Variants in TMPRSS4 observed in about 807,000 individuals in gnomAD.
TMPRSS4 encodes transmembrane serine protease 4, also known as transmembrane protease serine 4.
Under a neutral mutation model 56.4 loss-of-function variants are expected in TMPRSS4, and 45 were observed. The ratio of observed to expected loss-of-function variants is 0.80; its 90% CI spans 0.63 to 1.02. The LOEUF (loss-of-function observed/expected upper bound fraction) is 1.02, where lower values mean the gene tolerates loss of function less well. Among genes scored for constraint, TMPRSS4 ranks in the 50% least tolerant of loss-of-function variants. TMPRSS4 has a pLI of 0.00. For missense variants in TMPRSS4, 546 were observed against 556.7 expected (o/e 0.98, Z 0.19); for synonymous variants, 205 against 211.0 (o/e 0.97, Z 0.25).
At chr11:118,107,913 C>T in intron 6 of TMPRSS4, 38 bp downstream of exon 6, 4 of 1,567,260 alleles carry the variant, frequency 2.6e-6, no homozygotes, top group Non-Finnish European at 2.6e-6. Flanking sequence ...CAGAAGGCCC[C>T]CACATGGACG....
intron 1 of TMPRSS4, among the ~76,000 whole-genome samples, chr11:118,091,778 T>G (rs1042704326): frequency 6.6e-6 from 1 of 152,216 alleles, no homozygotes; most frequent in East Asian, 1.9e-4. Flanking sequence ...CTTTGTAAAC[T>G]GTTACATGCC....
intron 6 of TMPRSS4, chr11:118,108,363 A>G (rs192517442): frequency 3.2e-4 from 53 of 167,774 alleles, no homozygotes; most frequent in Non-Finnish European, 5.6e-4. Context: ...ATCCAGATGA[A>G]ATCTGTCACA....
At chr11:118,092,820 G>A (rs1339831928) in intron 1 of TMPRSS4, among the ~76,000 whole-genome samples, 2 of 152,238 alleles carry the variant, frequency 1.3e-5, no homozygotes, top group Non-Finnish European at 2.9e-5. Flanking sequence ...CTCTTTCACT[G>A]TCTCAGTCAT....
chr11:118,085,466 C>G (rs1447438330), intron 1 of TMPRSS4, among the ~76,000 whole-genome samples: 1 of 152,082 alleles, frequency 6.6e-6, no homozygotes, highest in Non-Finnish European at 1.5e-5. Flanking sequence ...TGGAGTCAGT[C>G]CCAATCAGTT....
chr11:118,100,569 AC>A (rs550667246), intron 3 of TMPRSS4, among the ~76,000 whole-genome samples: 90 of 151,986 alleles, frequency 5.9e-4, no homozygotes, highest in African/African-American at 2.0e-3. Flanking sequence ...CACAACATAA[AC>A]CCCACTAAAA....
intron 2 of TMPRSS4, 145 bp downstream of exon 2, chr11:118,095,000 A>G: frequency 1.2e-6 from 1 of 831,396 alleles, no homozygotes; most frequent in Non-Finnish European, 2.0e-6. Context: ...CCGTCCATCC[A>G]TCACTCAGCA....
chr11:118,117,496 C>T (rs376666741), intron 12 of TMPRSS4, 42 bp downstream of exon 12: 394 of 1,583,362 alleles, frequency 2.5e-4, no homozygotes, highest in Non-Finnish European at 3.3e-4. Context: ...TCCCTCCAGT[C>T]CTCTACCTGG....
Position 118,118,663 on chromosome 11 carries a change from C to T in TMPRSS4, c.*750C>T. The T allele has an allele frequency of 1.0e-6, 1 of 985,796 alleles. No individual in the cohort carries two copies. The highest frequency in any genetic ancestry group is 4.7e-5 in the South Asian group (1 of 21,274). The allele number at this position is 985,796 out of a possible 1,614,324, so 61.1% of individuals were successfully genotyped here. A position where few individuals can be genotyped will look rare whatever the true frequency, so the allele number is the denominator to read the frequency against. Reference sequence around the variant, plus strand: ...CCAGGGTGAGCAAGTTTGAGTCCCACACAGGGCCTTCTCCCTTTGCCTCTT... The same window carrying T: ...CCAGGGTGAGCAAGTTTGAGTCCCATACAGGGCCTTCTCCCTTTGCCTCTT... On this transcript the variant is annotated 3_prime_UTR_variant, in exon 13 of 13. Transcript: ENST00000437212.
intron 2 of TMPRSS4, among the ~76,000 whole-genome samples, chr11:118,098,328 C>T (rs926136422): frequency 4.6e-5 from 7 of 152,204 alleles, no homozygotes; most frequent in Admixed American, 1.3e-4. Context: ...ATTTAAGTGC[C>T]ACCTGCTGAG....
In TMPRSS4 at chr11:118,102,056, G is replaced by C. The variant is rs114998829; in HGVS notation, c.158-1045G>C. Among the ~76,000 whole-genome samples the C allele has an allele frequency of 2.6e-3, 389 of 151,646 alleles. 5 individuals are homozygous for C. The highest frequency in any genetic ancestry group is 9.1e-3 in the African/African-American group (374 of 41,300). The stretch of plus-strand genomic sequence containing the variant: ...CGTGCAGGATGTGCAGGTTTGTTAC[G>C]TAGGTAAGCGTGTGCCATGGCGGTT... On this transcript the variant is annotated intron_variant, in intron 3 of 12. Coordinates refer to ENST00000437212, the MANE Select transcript of TMPRSS4 (RefSeq NM_019894.4).
At chr11:118,087,008 G>C (rs1945610261) in intron 1 of TMPRSS4, 1 of 150,416 alleles carries the variant, frequency 6.6e-6, no homozygotes, top group Non-Finnish European at 1.5e-5. Context: ...CCCCTCCCTT[G>C]GGTTTTCCCC....
chr11:118,099,815 G>T (rs1946647018), intron 3 of TMPRSS4, among the ~76,000 whole-genome samples: 1 of 152,120 alleles, frequency 6.6e-6, no homozygotes, highest in Non-Finnish European at 1.5e-5. Context: ...GTTGGCACCT[G>T]GCCCCCTTCA....
intron 3 of TMPRSS4, 73 bp from the exon 4 acceptor site, chr11:118,103,028 A>G (rs936233791): frequency 6.4e-7 from 1 of 1,574,470 alleles, no homozygotes; most frequent in African/African-American, 1.3e-5. Flanking sequence ...CACTATCGCC[A>G]GGAAAACCCA....
chr11:118,089,949 A>G lies in TMPRSS4; in HGVS notation c.4-4867A>G, dbSNP rs555168223. ...CAACCTCCCCTCCCGGGTTCAAGGG[A>G]TTCTCCTGCCTCAGCCTTCTGAGTA... On this transcript the variant is annotated intron_variant, in intron 1 of 12. Coordinates refer to ENST00000437212, the MANE Select transcript of TMPRSS4 (RefSeq NM_019894.4). 4.6e-5 allele frequency among the ~76,000 whole-genome samples: 7 copies of G among 152,124 alleles called. No individual in the cohort carries two copies. In the South Asian group the frequency reaches 1.5e-3, roughly 32 times the overall value.
At chr11:118,104,666 C>T (rs758859244) in intron 4 of TMPRSS4, 25 bp from the exon 5 acceptor site, 1 of 1,614,086 alleles carries the variant, frequency 6.2e-7, no homozygotes, top group East Asian at 2.2e-5. Flanking sequence ...CCCGTTCCAT[C>T]TAACTCAGGT....
At chr11:118,109,218 C>G (rs78060998) in intron 7 of TMPRSS4, among the ~76,000 whole-genome samples, 2 of 152,252 alleles carry the variant, frequency 1.3e-5, no homozygotes, top group African/African-American at 4.8e-5. Flanking sequence ...ATCCCTGGTC[C>G]GGGCCCACAT....
Position 118,119,008 on chromosome 11 carries a change from A to G in TMPRSS4, c.*1095A>G. 1.0e-6 allele frequency: 1 copy of G among 985,438 alleles called. No homozygotes were observed. The highest frequency in any genetic ancestry group is 1.2e-6 in the Non-Finnish European group (1 of 829,928). The allele number at this position is 985,438 out of a possible 1,614,324, so 61.0% of individuals were successfully genotyped here. On this transcript the variant is annotated 3_prime_UTR_variant, in exon 13 of 13. Transcript: ENST00000437212. ...ATGGACTTTTTTGGCATCTGTATGA[A>G]AGCTTGGGTTTTCTGAGGACTGTCT...
At chr11:118,082,180 G>A (rs1392443413) in intron 1 of TMPRSS4, among the ~76,000 whole-genome samples, 2 of 152,182 alleles carry the variant, frequency 1.3e-5, no homozygotes, top group African/African-American at 4.8e-5. Context: ...CCCATGTTGT[G>A]CTTTGAGAAG....
intron 1 of TMPRSS4, among the ~76,000 whole-genome samples, chr11:118,084,364 G>T (rs918296493): frequency 6.6e-6 from 1 of 152,182 alleles, no homozygotes; most frequent in African/African-American, 2.4e-5. Flanking sequence ...ATGTGAGTGG[G>T]CAGGAAAGCA....
Sources: allele counts gnomAD v4.1 joint callset (sites outside exome capture counted in the v4.1 genomes callset), GRCh38; gene constraint gnomAD v4.1.1; transcripts MANE v1.5; gene names NCBI Gene and HGNC (gene_info 2026-07-23, HGNC 2026-07-21).